ZMAT4: variants seen among roughly 807,000 people sequenced by gnomAD.
ZMAT4 encodes zinc finger matrin-type protein 4.
Under a neutral mutation model 28.7 loss-of-function variants are expected in ZMAT4, and 17 were observed. That is an observed-to-expected ratio of 0.59 (90% CI 0.41 to 0.89). ZMAT4 has a LOEUF of 0.89. Ranked by LOEUF, ZMAT4 falls within the 40% of genes least tolerant of loss-of-function variation. ZMAT4 has a pLI of 0.00. For synonymous variants in ZMAT4, 117 were observed against 109.2 expected, an observed-to-expected ratio of 1.07 and a Z score of -0.44; for missense variants, 240 against 283.8, an observed-to-expected ratio of 0.85 and a Z score of 1.11.
At chr8:40,795,557 C>T (rs1814561819) in intron 2 of ZMAT4, among the ~76,000 whole-genome samples, 2 of 152,206 alleles carry the variant, frequency 1.3e-5, no homozygotes, top group South Asian at 2.1e-4. Context: ...TCCCTGGGGG[C>T]TCCTTTTATG....
In ZMAT4 at chr8:40,825,592, G is replaced by T. The variant is rs933924371; in HGVS notation, c.85C>A (p.Arg29Ser). Reference sequence around the variant, plus strand: ...GTCCTTACCTCGTAGTGGGCCACACGCTGCGATTCGGAGATCAGCTGTGCA... The same window carrying T: ...GTCCTTACCTCGTAGTGGGCCACACTCTGCGATTCGGAGATCAGCTGTGCA... ...CSAQLISESQ[R>S]VAHYESRKHA... The change falls in exon 2 of 7, where the codon CGT becomes AGT. Residue 29 changes from arginine (R) to serine (S), a missense_variant. By Grantham distance (110) the Arg-to-Ser change is moderately radical. Transcript: ENST00000297737. 22 of 1,553,050 alleles carry T rather than the reference G, an allele frequency of 1.4e-5. No homozygotes were observed. Among genetic ancestry groups the T allele is most frequent in the Non-Finnish European group, 1.8e-5 (21 of 1,147,520 alleles).
At chr8:40,532,669 T>C (rs1267157601) in intron 6 of ZMAT4, among the ~76,000 whole-genome samples, 1 of 145,286 alleles carries the variant, frequency 6.9e-6, no homozygotes, top group African/African-American at 2.6e-5. Flanking sequence ...TGTCCACTCA[T>C]TCAGAATTTT....
intron 3 of ZMAT4, among the ~76,000 whole-genome samples, chr8:40,736,590 A>G (rs1289036933): frequency 6.6e-6 from 1 of 152,256 alleles, no homozygotes; most frequent in Non-Finnish European, 1.5e-5. Flanking sequence ...AAGAAAGCAG[A>G]AAAACCAGTC....
At chr8:40,762,671 C>A (rs765335985) in intron 3 of ZMAT4, among the ~76,000 whole-genome samples, 117 of 151,870 alleles carry the variant, frequency 7.7e-4, no homozygotes, top group Non-Finnish European at 2.2e-4. Context: ...ATAAAAAAAA[C>A]AAAAATGAAA....
intron 3 of ZMAT4, among the ~76,000 whole-genome samples, chr8:40,719,725 A>G (rs1811001587): frequency 6.6e-6 from 1 of 152,100 alleles, no homozygotes; most frequent in Non-Finnish European, 1.5e-5. Context: ...GTCCACCACC[A>G]CACCCTGCTA....
chr8:40,568,958 A>G (rs1412825997), intron 6 of ZMAT4, among the ~76,000 whole-genome samples: 2 of 152,094 alleles, frequency 1.3e-5, no homozygotes, highest in African/African-American at 2.4e-5. Context: ...CATCCCCTCA[A>G]CTAGATTATT....
At chr8:40,682,794 C>T (rs1809235304) in intron 4 of ZMAT4, among the ~76,000 whole-genome samples, 1 of 152,130 alleles carries the variant, frequency 6.6e-6, no homozygotes, top group South Asian at 2.1e-4. Context: ...TATTCATAGA[C>T]CATTGAGTTT....
At chr8:40,888,113 G>A (rs1818536064) in intron 1 of ZMAT4, among the ~76,000 whole-genome samples, 3 of 151,976 alleles carry the variant, frequency 2.0e-5, no homozygotes, top group Admixed American at 2.0e-4. Context: ...TACACCCTTG[G>A]ACCCAAAGTC....
intron 1 of ZMAT4, among the ~76,000 whole-genome samples, chr8:40,854,879 A>T (rs1817241592): frequency 6.6e-6 from 1 of 152,160 alleles, no homozygotes; most frequent in Admixed American, 6.6e-5. Flanking sequence ...TTACAAAAGG[A>T]CTAATTATTT....
At chr8:40,723,641 TGGAATCTAACCAGATTTA>T (rs1169231934) in intron 3 of ZMAT4, among the ~76,000 whole-genome samples, 4 of 151,696 alleles carry the variant, frequency 2.6e-5, no homozygotes, top group South Asian at 2.1e-4. Flanking sequence ...TGAGGATTGG[TGGAATCTAACCAGATTTA>T]GGAATCTAAC....
intron 3 of ZMAT4, among the ~76,000 whole-genome samples, chr8:40,743,196 G>A (rs1275592088): frequency 6.6e-6 from 1 of 152,134 alleles, no homozygotes; most frequent in East Asian, 1.9e-4. Context: ...GCCAAAGGCT[G>A]ACCTCTCTGA....
intron 3 of ZMAT4, among the ~76,000 whole-genome samples, chr8:40,752,544 C>A (rs1812496092): frequency 6.6e-6 from 1 of 152,152 alleles, no homozygotes; most frequent in African/African-American, 2.4e-5. Flanking sequence ...CAGGTCCTCC[C>A]ACTCTCTGCA....
At chr8:40,886,779 T>G (rs1818464514) in intron 1 of ZMAT4, among the ~76,000 whole-genome samples, 2 of 152,146 alleles carry the variant, frequency 1.3e-5, no homozygotes, top group Non-Finnish European at 2.9e-5. Context: ...TCATAACTTC[T>G]CCTTTCTCTT....
chr8:40,652,378 A>G (rs1441936760), intron 5 of ZMAT4, among the ~76,000 whole-genome samples: 2 of 124,060 alleles, frequency 1.6e-5, no homozygotes, highest in African/African-American at 5.9e-5. Flanking sequence ...CAAAACCACA[A>G]TGAGATACCA....
intron 2 of ZMAT4, among the ~76,000 whole-genome samples, chr8:40,787,211 C>T (rs1331595811): frequency 6.6e-6 from 1 of 152,192 alleles, no homozygotes; most frequent in Non-Finnish European, 1.5e-5. Flanking sequence ...CCTCAGCTTG[C>T]ACCTTATAAA....
intron 4 of ZMAT4, among the ~76,000 whole-genome samples, chr8:40,683,773 A>G (rs1809277392): frequency 6.6e-6 from 1 of 152,132 alleles, no homozygotes; most frequent in South Asian, 2.1e-4. Context: ...TTATGGGTAT[A>G]ATTATTTCAG....
chr8:40,867,113 G>A (rs1031401629), intron 1 of ZMAT4, among the ~76,000 whole-genome samples: 2 of 152,122 alleles, frequency 1.3e-5, no homozygotes, highest in African/African-American at 2.4e-5. Flanking sequence ...TATTGCAATG[G>A]ATTTCCCCCT....
intron 6 of ZMAT4, among the ~76,000 whole-genome samples, chr8:40,559,131 CT>C (rs1803646769): frequency 6.6e-6 from 1 of 152,158 alleles, no homozygotes; most frequent in Non-Finnish European, 1.5e-5. Flanking sequence ...CAGACACTGA[CT>C]AACTGAGTCC....
rs1802686037 is a variant in ZMAT4, at chr8:40,531,279, GAAGA to G, written c.*940_*943del. ...AGCAGTAGGACTTCAGTGAGAAACA[GAAGA>G]AATAGGGGACCCCGCCTAGCCCAAG... On this transcript the variant is annotated 3_prime_UTR_variant, in exon 7 of 7. Transcript: ENST00000297737. 1 of 152,134 alleles carries G rather than the reference GAAGA, an allele frequency of 6.6e-6. No individual in the cohort carries two copies. Among genetic ancestry groups the G allele is most frequent in the Non-Finnish European group, 1.5e-5 (1 of 68,014 alleles). The allele number at this position is 152,134 out of a possible 1,614,324, so 9.4% of individuals were successfully genotyped here. A position where few individuals can be genotyped will look rare whatever the true frequency, so the allele number is the denominator to read the frequency against.
Sources: allele counts gnomAD v4.1 joint callset (sites outside exome capture counted in the v4.1 genomes callset), GRCh38; gene constraint gnomAD v4.1.1; transcripts MANE v1.5; gene names NCBI Gene and HGNC (gene_info 2026-07-23, HGNC 2026-07-21).